MACROD2: variants seen among roughly 807,000 people sequenced by gnomAD.
The protein encoded by MACROD2 is ADP-ribose glycohydrolase MACROD2.
In MACROD2, 36 loss-of-function variants were observed where a neutral mutation model predicts 70.4. That is an observed-to-expected ratio of 0.51 (90% CI 0.39 to 0.68). The LOEUF is 0.68. MACROD2 is among the 30% of genes least tolerant of loss of function. The pLI, the probability that MACROD2 is intolerant of heterozygous loss-of-function variation, is 0.00. For synonymous variants in MACROD2, 172 were observed against 178.8 expected (o/e 0.96, Z 0.30); for missense variants, 496 against 538.4 (o/e 0.92, Z 0.78).
At chr20:14,783,846 C>A (rs2072331570) in intron 5 of MACROD2, among the ~76,000 whole-genome samples, 1 of 152,086 alleles carries the variant, frequency 6.6e-6, no homozygotes, top group African/African-American at 2.4e-5. Context: ...CCTTTCCCAC[C>A]TAAAGGCAAG....
At chr20:15,720,559 C>T (rs2050773705) in intron 8 of MACROD2, among the ~76,000 whole-genome samples, 1 of 152,162 alleles carries the variant, frequency 6.6e-6, no homozygotes, top group Non-Finnish European at 1.5e-5. Flanking sequence ...AAAATCAATG[C>T]CTCGTTAGAG....
intron 12 of MACROD2, among the ~76,000 whole-genome samples, chr20:15,937,750 T>A (rs974618882): frequency 7.3e-6 from 1 of 136,356 alleles, no homozygotes; most frequent in Non-Finnish European, 1.5e-5. Flanking sequence ...TATATATATG[T>A]GTGTATATAT....
intron 10 of MACROD2, among the ~76,000 whole-genome samples, chr20:15,916,831 G>T (rs568112032): frequency 6.6e-6 from 1 of 152,226 alleles, no homozygotes; most frequent in East Asian, 1.9e-4. Flanking sequence ...TAATCACTCC[G>T]CAATGAGTTC....
At chr20:15,352,033 T>C (rs2078232911) in intron 6 of MACROD2, among the ~76,000 whole-genome samples, 1 of 152,134 alleles carries the variant, frequency 6.6e-6, no homozygotes, top group Non-Finnish European at 1.5e-5. Flanking sequence ...TGGTGTTGGG[T>C]GCTTAAATTA....
At chr20:14,193,504 G>C (rs1251232816) in intron 3 of MACROD2, among the ~76,000 whole-genome samples, 3 of 152,144 alleles carry the variant, frequency 2.0e-5, no homozygotes, top group Non-Finnish European at 4.4e-5. Context: ...GGAATGGGCA[G>C]GGTTAAGGGC....
chr20:14,976,716 G>T (rs2074742782), intron 5 of MACROD2, among the ~76,000 whole-genome samples: 1 of 152,118 alleles, frequency 6.6e-6, no homozygotes, highest in African/African-American at 2.4e-5. Flanking sequence ...GACCTCTGTT[G>T]CTTAGAATCA....
chr20:15,640,893 C>T (rs570821873), intron 8 of MACROD2, among the ~76,000 whole-genome samples: 29 of 152,302 alleles, frequency 1.9e-4, no homozygotes, highest in African/African-American at 6.3e-4. Context: ...CCTGCTGCCT[C>T]GTCTGCCATC....
intron 3 of MACROD2, among the ~76,000 whole-genome samples, chr20:14,111,096 A>G (rs775876746): frequency 1.4e-4 from 21 of 152,148 alleles, no homozygotes; most frequent in Middle Eastern, 3.4e-3. Flanking sequence ...ATTTTCAACA[A>G]AGGTGCCAAG....
intron 5 of MACROD2, among the ~76,000 whole-genome samples, chr20:15,208,645 A>C (rs2076732526): frequency 6.6e-6 from 1 of 152,074 alleles, no homozygotes. Flanking sequence ...GCTTCCTTTG[A>C]CACTCCAGGG....
intron 8 of MACROD2, among the ~76,000 whole-genome samples, chr20:15,848,661 G>T (rs1310244700): frequency 6.6e-6 from 1 of 152,154 alleles, no homozygotes; most frequent in African/African-American, 2.4e-5. Context: ...CAATGTTGTG[G>T]AGGATGGACA....
intron 6 of MACROD2, among the ~76,000 whole-genome samples, chr20:15,360,190 T>C (rs1050893030): frequency 6.6e-6 from 1 of 152,210 alleles, no homozygotes; most frequent in Non-Finnish European, 1.5e-5. Context: ...CAGTAGTTTG[T>C]TTCTTTTATT....
intron 6 of MACROD2, among the ~76,000 whole-genome samples, chr20:15,420,566 C>T (rs757790203): frequency 2.0e-5 from 3 of 150,896 alleles, no homozygotes; most frequent in Non-Finnish European, 4.4e-5. Flanking sequence ...TTGAAGGAGA[C>T]GGCATCCTTT....
At chr20:15,679,878 G>A (rs1308185800) in intron 8 of MACROD2, among the ~76,000 whole-genome samples, 1 of 152,242 alleles carries the variant, frequency 6.6e-6, no homozygotes, top group Non-Finnish European at 1.5e-5. Flanking sequence ...GCAGAAATGT[G>A]AGAAAATAAA....
intron 3 of MACROD2, among the ~76,000 whole-genome samples, chr20:14,259,173 C>G (rs1601408563): frequency 6.6e-6 from 1 of 152,266 alleles, no homozygotes. Context: ...GAACTCCTGA[C>G]CGTGTGATCC....
At chr20:15,773,543 T>G (rs1433509831) in intron 8 of MACROD2, among the ~76,000 whole-genome samples, 1 of 152,126 alleles carries the variant, frequency 6.6e-6, no homozygotes, top group Non-Finnish European at 1.5e-5. Flanking sequence ...ATCAGATCAA[T>G]TCCCTGTTAA....
chr20:15,827,449 A>C (rs73614465), intron 8 of MACROD2, among the ~76,000 whole-genome samples: 13,347 of 152,242 alleles, frequency 0.088, 884 homozygotes, highest in East Asian at 0.22. Flanking sequence ...AATTGCAAGA[A>C]GTTTCTTCAA....
rs199573606 is a variant in MACROD2, at chr20:14,222,813, GAAAA to G, written c.271+137111_271+137114del. On this transcript the variant is annotated intron_variant, in intron 3 of 17. Coordinates refer to ENST00000684519, the MANE Select transcript of MACROD2 (RefSeq NM_001351661.2). ...TTCACAGTTCAACCTTTGGATTTCTGAAAAAAAAAAAAAAAAAAAAAAAAAAAAA... is the reference window on the plus strand; with the variant it reads ...TTCACAGTTCAACCTTTGGATTTCTGAAAAAAAAAAAAAAAAAAAAAAAAA... 6.7e-4 allele frequency among the ~76,000 whole-genome samples: 89 copies of G among 132,938 alleles called. 1 individual carries two copies. Among genetic ancestry groups the G allele is most frequent in the Non-Finnish European group, 1.1e-3 (69 of 63,266 alleles). The allele number at this position is 132,938 out of a possible 152,430, so 87.2% of individuals were successfully genotyped here. A position where few individuals can be genotyped will look rare whatever the true frequency, so the allele number is the denominator to read the frequency against.
intron 4 of MACROD2, among the ~76,000 whole-genome samples, chr20:14,609,486 T>G (rs1470629788): frequency 6.6e-6 from 1 of 152,130 alleles, no homozygotes; most frequent in East Asian, 1.9e-4. Context: ...TTCTTTCCCC[T>G]TTTGTGTCCT....
In MACROD2 at chr20:14,313,261, T is replaced by C. The variant is rs552815723; in HGVS notation, c.272-180218T>C. Among the ~76,000 whole-genome samples, 59 of 152,318 alleles carry C rather than the reference T, an allele frequency of 3.9e-4. No homozygotes were observed. In the South Asian group the frequency reaches 0.012, roughly 30 times the overall value. ...ATAGTATAGTTGGTGAATACTTGCGTATTTTGTGAACATTTGGTAAGCAGT... is the reference window on the plus strand; with the variant it reads ...ATAGTATAGTTGGTGAATACTTGCGCATTTTGTGAACATTTGGTAAGCAGT... On this transcript the variant is annotated intron_variant, in intron 3 of 17. Coordinates refer to ENST00000684519, the MANE Select transcript of MACROD2 (RefSeq NM_001351661.2).
Sources: gnomAD v4.1 joint callset for allele counts (sites outside exome capture counted in the v4.1 genomes callset) on GRCh38, gnomAD v4.1.1 for gene constraint, MANE v1.5 for transcripts, NCBI Gene and HGNC (gene_info 2026-07-23, HGNC 2026-07-21) for gene names.